The following SLCO5A1 variants were observed in gnomAD, a reference collection of about 807,000 sequenced individuals.
SLCO5A1 encodes solute carrier organic anion transporter family member 5A1, also known as organic anion transporter polypeptide-related protein 4.
SLCO5A1 carries 39 observed loss-of-function variants against 65.1 expected under a neutral mutation model. That is an observed-to-expected ratio of 0.60 (90% CI 0.46 to 0.78). The LOEUF (loss-of-function observed/expected upper bound fraction) is 0.78, where lower values mean the gene tolerates loss of function less well. Among genes scored for constraint, SLCO5A1 ranks in the 30% least tolerant of loss-of-function variants. SLCO5A1 has a pLI of 0.00. For synonymous variants in SLCO5A1, 438 were observed against 415.7 expected (o/e 1.05, Z -0.65); for missense variants, 1,029 against 1,069.4 (o/e 0.96, Z 0.53).
intron 2 of SLCO5A1, among the ~76,000 whole-genome samples, chr8:69,813,859 AC>A (rs781571085): frequency 1.6e-4 from 24 of 152,308 alleles, no homozygotes; most frequent in Non-Finnish European, 2.8e-4. Flanking sequence ...AAGTTTATGG[AC>A]TTCTCCCTCC....
intron 2 of SLCO5A1, among the ~76,000 whole-genome samples, chr8:69,791,808 T>C (rs1586804619): frequency 6.6e-6 from 1 of 152,214 alleles, no homozygotes; most frequent in East Asian, 1.9e-4. Flanking sequence ...AAAGACCTTC[T>C]CTAATAAGTG....
chr8:69,779,410 T>C (rs1818710334), intron 2 of SLCO5A1, among the ~76,000 whole-genome samples: 1 of 152,142 alleles, frequency 6.6e-6, no homozygotes, highest in East Asian at 1.9e-4. Flanking sequence ...AAAAAGAAAA[T>C]TTATTTGTAA....
intron 2 of SLCO5A1, among the ~76,000 whole-genome samples, chr8:69,795,872 A>G (rs1819469400): frequency 6.6e-6 from 1 of 152,376 alleles, no homozygotes; most frequent in African/African-American, 2.4e-5. Context: ...GAGGCTCCCA[A>G]GCCTCAGCTC....
intron 2 of SLCO5A1, among the ~76,000 whole-genome samples, chr8:69,776,323 A>G (rs1359806864): frequency 6.6e-6 from 1 of 152,226 alleles, no homozygotes; most frequent in Non-Finnish European, 1.5e-5. Flanking sequence ...TATAGCTTGA[A>G]GAAATACTTA....
chr8:69,791,183 C>T (rs551395871), intron 2 of SLCO5A1, among the ~76,000 whole-genome samples: 1 of 152,150 alleles, frequency 6.6e-6, no homozygotes, highest in Non-Finnish European at 1.5e-5. Context: ...TGATCACATC[C>T]CCTTCCTCCC....
At chr8:69,801,118 A>C (rs1819717073) in intron 2 of SLCO5A1, among the ~76,000 whole-genome samples, 1 of 152,232 alleles carries the variant, frequency 6.6e-6, no homozygotes, top group African/African-American at 2.4e-5. Flanking sequence ...TCTCTTTAAC[A>C]TAATTATTTA....
At chr8:69,701,529 G>C (rs1814734583) in intron 6 of SLCO5A1, among the ~76,000 whole-genome samples, 1 of 152,096 alleles carries the variant, frequency 6.6e-6, no homozygotes, top group African/African-American at 2.4e-5. Context: ...GTAAGAACTT[G>C]GGTCTCCACA....
chr8:69,754,981 C>A (rs1418529808), intron 4 of SLCO5A1, among the ~76,000 whole-genome samples: 1 of 152,108 alleles, frequency 6.6e-6, no homozygotes, highest in Admixed American at 6.5e-5. Flanking sequence ...CTGAAATAAA[C>A]CCTCCATGGC....
chr8:69,731,735 C>T (rs931434172), intron 5 of SLCO5A1, among the ~76,000 whole-genome samples: 21 of 152,204 alleles, frequency 1.4e-4, no homozygotes, highest in African/African-American at 5.1e-4. Flanking sequence ...GTCTATTCAT[C>T]TCAATAATGA....
intron 3 of SLCO5A1, among the ~76,000 whole-genome samples, chr8:69,758,624 AACAAAAAAAT>A (rs1817625979): frequency 6.6e-6 from 1 of 152,202 alleles, no homozygotes. Flanking sequence ...ACAGCAAATA[AACAAAAAAAT>A]ACAAAAATAA....
chr8:69,714,619 C>T (rs1815430068), intron 5 of SLCO5A1, among the ~76,000 whole-genome samples: 1 of 152,162 alleles, frequency 6.6e-6, no homozygotes, highest in Admixed American at 6.5e-5. Context: ...TAGTGTGGCT[C>T]CCATGGGACC....
At chr8:69,772,683 G>A (rs920310972) in intron 2 of SLCO5A1, among the ~76,000 whole-genome samples, 5 of 150,962 alleles carry the variant, frequency 3.3e-5, no homozygotes, top group South Asian at 2.1e-4. Context: ...GCTCCTAACC[G>A]TGGTCAGCCA....
chr8:69,741,791 G>A lies in SLCO5A1; in HGVS notation c.1259-3587C>T, dbSNP rs145890945. Among the ~76,000 whole-genome samples, 721 of 152,284 alleles carry A rather than the reference G, an allele frequency of 4.7e-3. 8 individuals carry two copies. Among genetic ancestry groups the A allele is most frequent in the Middle Eastern group, 0.041 (12 of 294 alleles). On this transcript the variant is annotated intron_variant, in intron 4 of 9. Transcript: ENST00000260126. ...TATTCAAAGTTAATGGATATTCAAA[G>A]TTAATGGATATACAAAGTTACTTGC...
At chr8:69,727,161 A>C (rs1358015159) in intron 5 of SLCO5A1, among the ~76,000 whole-genome samples, 1 of 152,140 alleles carries the variant, frequency 6.6e-6, no homozygotes, top group African/African-American at 2.4e-5. Context: ...TTCCCTGTGC[A>C]TAGTGCCAGG....
At chr8:69,803,410 C>G (rs1403383438) in intron 2 of SLCO5A1, among the ~76,000 whole-genome samples, 3 of 152,196 alleles carry the variant, frequency 2.0e-5, no homozygotes, top group Admixed American at 6.5e-5. Flanking sequence ...GACTGAGACT[C>G]TGTCTCAAAA....
At chr8:69,696,085 TCCCAGCAGTGCTGGGCAAG>T (rs1362506312) in intron 6 of SLCO5A1, among the ~76,000 whole-genome samples, 1 of 152,196 alleles carries the variant, frequency 6.6e-6, no homozygotes, top group East Asian at 1.9e-4. Context: ...TGTAATTTTT[TCCCAGCAGTGCTGGGCAAG>T]CCCAGCAGCA....
chr8:69,771,070 C>T (rs745554364), intron 2 of SLCO5A1, among the ~76,000 whole-genome samples: 10 of 152,018 alleles, frequency 6.6e-5, no homozygotes, highest in South Asian at 2.1e-4. Context: ...CTGCAACCTC[C>T]GCCTCCCGGG....
intron 6 of SLCO5A1, among the ~76,000 whole-genome samples, chr8:69,693,769 C>T (rs1196713219): frequency 6.6e-6 from 1 of 151,658 alleles, no homozygotes; most frequent in Non-Finnish European, 1.5e-5. Flanking sequence ...GAGATGAGTA[C>T]TATAATTGAT....
chr8:69,772,068 C>A (rs1036530458), intron 2 of SLCO5A1, among the ~76,000 whole-genome samples: 2 of 152,168 alleles, frequency 1.3e-5, no homozygotes, highest in Non-Finnish European at 2.9e-5. Flanking sequence ...TCATTCCTGG[C>A]AGAATTCAGA....
Sources: gnomAD v4.1 joint callset for allele counts (sites outside exome capture counted in the v4.1 genomes callset) on GRCh38, gnomAD v4.1.1 for gene constraint, MANE v1.5 for transcripts, NCBI Gene and HGNC (gene_info 2026-07-23, HGNC 2026-07-21) for gene names.